The following RAB3C variants were observed in gnomAD, a reference collection of about 807,000 sequenced individuals.
RAB3C encodes RAB3C, member RAS oncogene family.
Under a neutral mutation model 26.4 loss-of-function variants are expected in RAB3C, and 17 were observed. That is an observed-to-expected ratio of 0.64 (90% confidence interval 0.44 to 0.97). The LOEUF (loss-of-function observed/expected upper bound fraction) is 0.97. RAB3C is among the 50% of genes least tolerant of loss of function. The pLI is 0.00. For missense variants in RAB3C, 242 were observed against 281.9 expected, an observed-to-expected ratio of 0.86 and a Z score of 1.01; for synonymous variants, 91 against 95.9, an observed-to-expected ratio of 0.95 and a Z score of 0.30.
At chr5:58,705,300 G>T (rs901881372) in intron 2 of RAB3C, among the ~76,000 whole-genome samples, 3 of 152,138 alleles carry the variant, frequency 2.0e-5, no homozygotes, top group African/African-American at 7.2e-5. Flanking sequence ...GAAGAAAACA[G>T]CTTCTCACAA....
At chr5:58,701,010 ATTTG>A (rs1430556769) in intron 2 of RAB3C, among the ~76,000 whole-genome samples, 3 of 139,772 alleles carry the variant, frequency 2.1e-5, no homozygotes, top group Non-Finnish European at 3.1e-5. Context: ...TTATTTATTT[ATTTG>A]AGATGGACTC....
intron 3 of RAB3C, among the ~76,000 whole-genome samples, chr5:58,749,115 A>G (rs1579897207): frequency 6.6e-6 from 1 of 151,938 alleles, no homozygotes; most frequent in South Asian, 2.1e-4. Context: ...GTAAACTTCT[A>G]TCATGCCCTT....
chr5:58,650,843 TC>T (rs1362618463), intron 2 of RAB3C, among the ~76,000 whole-genome samples: 2 of 152,120 alleles, frequency 1.3e-5, no homozygotes, highest in African/African-American at 4.8e-5. Context: ...TCTTGTACAT[TC>T]CGGTAAGAAA....
At chr5:58,689,693 C>T (rs1748521729) in intron 2 of RAB3C, among the ~76,000 whole-genome samples, 1 of 152,046 alleles carries the variant, frequency 6.6e-6, no homozygotes, top group African/African-American at 2.4e-5. Context: ...AGAATCATGG[C>T]CTTTCCTCCT....
At position 58,855,011 on chromosome 5, in the gene RAB3C, T is replaced by G. The variant is rs1344032630; in HGVS notation, c.*3660T>G. 6.6e-6 allele frequency: 1 copy of G among 152,210 alleles called. No homozygotes were observed. The highest frequency in any genetic ancestry group is 1.5e-5 in the Non-Finnish European group (1 of 68,050). 9.4% of individuals were successfully genotyped at this position (152,210 alleles called of 1,614,324 possible). A position where few individuals can be genotyped will look rare whatever the true frequency, so the allele number is the denominator to read the frequency against. ...CAACCTTCTTCTTCTCTTTTAAAAG[T>G]TAAATACATTCCACTATTAACTGAA... On this transcript the variant is annotated 3_prime_UTR_variant, in exon 5 of 5. Coordinates refer to ENST00000282878, the MANE Select transcript of RAB3C (RefSeq NM_138453.4).
In RAB3C at chr5:58,592,809, T is replaced by A. The variant is rs541580852; in HGVS notation, c.24+9577T>A. Among the ~76,000 whole-genome samples the A allele has an allele frequency of 2.0e-5, 3 of 152,266 alleles. No individual in the cohort carries two copies. In the South Asian group the frequency reaches 6.2e-4, roughly 32 times the overall value. Reference sequence around the variant, plus strand: ...TTGTGCCCTTGTATGTAATGTCATTTTTTTCATCTGACTGTTTTCAAGATT... The same window carrying A: ...TTGTGCCCTTGTATGTAATGTCATTATTTTCATCTGACTGTTTTCAAGATT... On this transcript the variant is annotated intron_variant, in intron 1 of 4. Coordinates refer to ENST00000282878, the MANE Select transcript of RAB3C (RefSeq NM_138453.4).
At chr5:58,802,734 C>A (rs773058988) in intron 3 of RAB3C, among the ~76,000 whole-genome samples, 1 of 152,084 alleles carries the variant, frequency 6.6e-6, no homozygotes, top group Non-Finnish European at 1.5e-5. Context: ...AGATAAGAAT[C>A]CTGAATTAGG....
rs891122371 is a variant in RAB3C at position 58,662,600 on chromosome 5, C to T, written c.252+44730C>T. Among the ~76,000 whole-genome samples, 10 of 150,214 alleles carry T rather than the reference C, an allele frequency of 6.7e-5. 1 individual carries two copies. Among genetic ancestry groups the T allele is most frequent in the African/African-American group, 2.3e-4 (9 of 39,656 alleles). On this transcript the variant is annotated intron_variant, in intron 2 of 4. Transcript: ENST00000282878. The stretch of plus-strand genomic sequence containing the variant: ...GAAGATAAATAATTGGCCCAAATGT[C>T]GTATATCTTATAAAAAAGATCTGAG...
Position 58,833,324 on chromosome 5 carries a change from T to TCACACACACACACACACA in RAB3C, c.496+8183_496+8200dup, listed in dbSNP as rs571940681. Among the ~76,000 whole-genome samples the TCACACACACACACACACA allele has an allele frequency of 4.1e-3, 585 of 141,086 alleles. 5 individuals are homozygous for TCACACACACACACACACA. The highest frequency in any genetic ancestry group is 0.019 in the Middle Eastern group (5 of 264). The allele number at this position is 141,086 out of a possible 152,430, so 92.6% of individuals were successfully genotyped here. On this transcript the variant is annotated intron_variant, in intron 4 of 4. Transcript: ENST00000282878. ...TTTAAAAACCATGGCACGGACCCCA[T>TCACACACACACACACACA]CACACACACACACACACACACACAC...
chr5:58,647,362 G>A (rs1579835968), intron 2 of RAB3C, among the ~76,000 whole-genome samples: 1 of 152,152 alleles, frequency 6.6e-6, no homozygotes, highest in East Asian at 1.9e-4. Flanking sequence ...GAGCAGGAGA[G>A]AGAAGAGTGA....
At chr5:58,767,711 C>G (rs757365553) in intron 3 of RAB3C, among the ~76,000 whole-genome samples, 42 of 152,134 alleles carry the variant, frequency 2.8e-4, no homozygotes, top group Non-Finnish European at 5.3e-4. Context: ...AAGCACTAAG[C>G]TAGACAACGG....
intron 3 of RAB3C, among the ~76,000 whole-genome samples, chr5:58,726,896 A>G (rs1476037684): frequency 6.6e-6 from 1 of 151,960 alleles, no homozygotes; most frequent in African/African-American, 2.4e-5. Context: ...AGATCTGGTC[A>G]TGAGCTCAAG....
intron 2 of RAB3C, among the ~76,000 whole-genome samples, chr5:58,667,127 T>C (rs928084188): frequency 6.6e-6 from 1 of 152,182 alleles, no homozygotes; most frequent in African/African-American, 2.4e-5. Flanking sequence ...ATCATATCAA[T>C]TGGAAACAAA....
intron 3 of RAB3C, among the ~76,000 whole-genome samples, chr5:58,752,847 T>C (rs1372969943): frequency 1.3e-5 from 2 of 152,090 alleles, no homozygotes; most frequent in African/African-American, 2.4e-5. Context: ...GCCTAAAGGA[T>C]TAAATTATGG....
intron 2 of RAB3C, among the ~76,000 whole-genome samples, chr5:58,673,305 T>C (rs1748157905): frequency 6.6e-6 from 1 of 152,246 alleles, no homozygotes; most frequent in Non-Finnish European, 1.5e-5. Context: ...CTTTAAGGTA[T>C]TAAAAAGTCC....
At chr5:58,780,887 T>C (rs899110536) in intron 3 of RAB3C, among the ~76,000 whole-genome samples, 1 of 152,030 alleles carries the variant, frequency 6.6e-6, no homozygotes, top group East Asian at 1.9e-4. Flanking sequence ...CACAATTTCT[T>C]TCTCCATTGT....
intron 1 of RAB3C, among the ~76,000 whole-genome samples, chr5:58,605,320 C>G (rs1746536480): frequency 6.6e-6 from 1 of 152,108 alleles, no homozygotes; most frequent in Non-Finnish European, 1.5e-5. Flanking sequence ...AGTCCTGCCT[C>G]CCATGCACCA....
intron 3 of RAB3C, among the ~76,000 whole-genome samples, chr5:58,802,819 A>G (rs1016844071): frequency 1.3e-5 from 2 of 152,248 alleles, no homozygotes; most frequent in East Asian, 1.9e-4. Flanking sequence ...ATTGCCTTCT[A>G]TTTCACTTCA....
chr5:58,671,666 G>C (rs1261249334), intron 2 of RAB3C, among the ~76,000 whole-genome samples: 2 of 152,080 alleles, frequency 1.3e-5, no homozygotes, highest in Admixed American at 1.3e-4. Context: ...TTGATTGCTG[G>C]CTGCATAGGG....
Sources: allele counts gnomAD v4.1 joint callset (sites outside exome capture counted in the v4.1 genomes callset), GRCh38; gene constraint gnomAD v4.1.1; transcripts MANE v1.5; gene names NCBI Gene and HGNC (gene_info 2026-07-23, HGNC 2026-07-21).